BANK1: variants seen among roughly 807,000 people sequenced by gnomAD.
BANK1 encodes B cell scaffold protein with ankyrin repeats 1.
In BANK1, 95 loss-of-function variants were observed where a neutral mutation model predicts 94.5. That is an observed-to-expected ratio of 1.00 (90% confidence interval 0.85 to 1.19). The LOEUF (loss-of-function observed/expected upper bound fraction) is 1.19. BANK1 is among the 50% of genes most tolerant of loss of function. BANK1 has a pLI of 0.00. For missense variants in BANK1, 987 were observed against 932.2 expected (o/e 1.06, Z -0.77); for synonymous variants, 334 against 308.4 (o/e 1.08, Z -0.87).
At chr4:101,897,998 C>G (rs968115036) in intron 6 of BANK1, among the ~76,000 whole-genome samples, 1 of 151,368 alleles carries the variant, frequency 6.6e-6, no homozygotes, top group Non-Finnish European at 1.5e-5. Flanking sequence ...AAACTTAAAG[C>G]TAAAAATGAA....
At chr4:101,875,506 G>C (rs1190937275) in intron 5 of BANK1, among the ~76,000 whole-genome samples, 1 of 152,056 alleles carries the variant, frequency 6.6e-6, no homozygotes. Flanking sequence ...TGGTTGGGGG[G>C]ACTGCCACAC....
chr4:101,838,556 TTAACTC>T (rs1726917545), intron 2 of BANK1, among the ~76,000 whole-genome samples: 1 of 152,194 alleles, frequency 6.6e-6, no homozygotes, highest in Non-Finnish European at 1.5e-5. Flanking sequence ...TTTCTGAAAA[TTAACTC>T]TAGTGTTAAA....
At chr4:101,825,238 G>A (rs1051126017) in intron 1 of BANK1, among the ~76,000 whole-genome samples, 1 of 152,018 alleles carries the variant, frequency 6.6e-6, no homozygotes, top group Non-Finnish European at 1.5e-5. Flanking sequence ...ATCATTTATT[G>A]TTTCATTGCA....
chr4:101,924,659 G>A (rs749577144), intron 7 of BANK1, among the ~76,000 whole-genome samples: 4 of 151,838 alleles, frequency 2.6e-5, no homozygotes, highest in East Asian at 2.0e-4. Context: ...GTCCTTGAAC[G>A]TTTCTTACAA....
In BANK1 at chr4:101,995,367, A is replaced by G. The variant is rs565837776; in HGVS notation, c.1207-26147A>G. On this transcript the variant is annotated intron_variant, in intron 7 of 16. Coordinates refer to ENST00000322953, the MANE Select transcript of BANK1 (RefSeq NM_017935.5). ...TCATTAATGGGCATTTTGGTTGGTT[A>G]CAAATCTTTGCTATTATAAATAGTG... Among the ~76,000 whole-genome samples, 134 of 152,198 alleles carry G rather than the reference A, an allele frequency of 8.8e-4. 1 individual carries two copies. The highest frequency in any genetic ancestry group is 3.1e-3 in the African/African-American group (127 of 41,540).
At chr4:101,932,675 T>C (rs1723396310) in intron 7 of BANK1, among the ~76,000 whole-genome samples, 1 of 151,516 alleles carries the variant, frequency 6.6e-6, no homozygotes, top group Admixed American at 6.6e-5. Context: ...ATATTACTCT[T>C]CCTTGTGAGT....
At chr4:102,025,608 C>T in intron 9 of BANK1, 99 bp downstream of exon 9, 1 of 1,184,202 alleles carries the variant, frequency 8.4e-7, no homozygotes, top group Non-Finnish European at 1.2e-6. Flanking sequence ...CAGAGCAGAT[C>T]AGCTTTTGAA....
At chr4:101,897,803 C>A (rs9790475) in intron 6 of BANK1, among the ~76,000 whole-genome samples, 51,949 of 151,624 alleles carry the variant, frequency 0.34, 9,186 homozygotes, top group African/African-American at 0.38. Context: ...AATTTACTAG[C>A]CCCTAATTGC....
intron 7 of BANK1, among the ~76,000 whole-genome samples, chr4:101,931,533 G>C (rs1241512148): frequency 1.3e-5 from 2 of 151,484 alleles, no homozygotes; most frequent in South Asian, 4.1e-4. Flanking sequence ...TGGGTCTCTA[G>C]CTTGCCAGCT....
chr4:101,877,649 C>T (rs1728538807), intron 5 of BANK1, among the ~76,000 whole-genome samples: 2 of 152,038 alleles, frequency 1.3e-5, no homozygotes, highest in Admixed American at 1.3e-4. Flanking sequence ...CTTTGGGAGG[C>T]AGAGGTTGGC....
At chr4:101,892,349 A>G (rs1721906618) in intron 5 of BANK1, among the ~76,000 whole-genome samples, 1 of 151,556 alleles carries the variant, frequency 6.6e-6, no homozygotes, top group South Asian at 2.1e-4. Context: ...ACATTCATCA[A>G]TCCCTTATTC....
At chr4:101,884,483 G>A (rs991018833) in intron 5 of BANK1, among the ~76,000 whole-genome samples, 2 of 151,934 alleles carry the variant, frequency 1.3e-5, no homozygotes, top group Non-Finnish European at 2.9e-5. Flanking sequence ...GTTACTAATT[G>A]ATCAAGTTTT....
At chr4:102,003,222 C>T (rs1378295880) in intron 7 of BANK1, among the ~76,000 whole-genome samples, 1 of 152,104 alleles carries the variant, frequency 6.6e-6, no homozygotes, top group Non-Finnish European at 1.5e-5. Context: ...GTATGTATTG[C>T]CCAGGCTATA....
At chr4:101,860,803 A>G (rs949776235) in intron 3 of BANK1, among the ~76,000 whole-genome samples, 1 of 152,136 alleles carries the variant, frequency 6.6e-6, no homozygotes, top group Non-Finnish European at 1.5e-5. Context: ...ACACTGGGAG[A>G]GTGCATGTGT....
intron 1 of BANK1, among the ~76,000 whole-genome samples, chr4:101,800,101 AT>A (rs937478204): frequency 3.2e-5 from 4 of 123,254 alleles, no homozygotes; most frequent in African/African-American, 1.2e-4. Flanking sequence ...TGGACGCAGG[AT>A]GCGGAACATC....
At chr4:102,029,853 C>T (rs72686790) in intron 9 of BANK1, 107 bp from the exon 10 acceptor site, 347,445 of 978,410 alleles carry the variant, frequency 0.36, 64,707 homozygotes, top group South Asian at 0.47. Flanking sequence ...CTGTTTCCTA[C>T]GGCACTTGAC....
intron 3 of BANK1, among the ~76,000 whole-genome samples, chr4:101,855,462 G>A (rs1215521453): frequency 6.6e-6 from 1 of 152,116 alleles, no homozygotes; most frequent in African/African-American, 2.4e-5. Context: ...CTTTGTTCAT[G>A]GCTATCCTCT....
At chr4:101,979,828 C>T (rs1303571922) in intron 7 of BANK1, among the ~76,000 whole-genome samples, 1 of 151,882 alleles carries the variant, frequency 6.6e-6, no homozygotes, top group African/African-American at 2.4e-5. Flanking sequence ...AATTTCTTGG[C>T]TATAAATTGT....
chr4:101,965,727 A>G (rs1724729243), intron 7 of BANK1, among the ~76,000 whole-genome samples: 1 of 152,046 alleles, frequency 6.6e-6, no homozygotes, highest in South Asian at 2.1e-4. Context: ...TTAGTTGGAC[A>G]TTCACTGAGG....
Sources: gnomAD v4.1 joint callset for allele counts (sites outside exome capture counted in the v4.1 genomes callset) on GRCh38, gnomAD v4.1.1 for gene constraint, MANE v1.5 for transcripts, NCBI Gene and HGNC (gene_info 2026-07-23, HGNC 2026-07-21) for gene names.